Variants in SEMA6D observed in about 807,000 individuals in gnomAD.
The protein encoded by SEMA6D is semaphorin-6D.
In SEMA6D, 35 loss-of-function variants were observed where a neutral mutation model predicts 106.6. The observed-to-expected ratio is 0.33, with a 90% confidence interval of 0.25 to 0.44. The LOEUF (loss-of-function observed/expected upper bound fraction) is 0.44. Among genes scored for constraint, SEMA6D ranks in the 20% least tolerant of loss-of-function variants. SEMA6D has a pLI of 1.00. For synonymous variants in SEMA6D, 499 were observed against 487.7 expected, an observed-to-expected ratio of 1.02 and a Z score of -0.31; for missense variants, 1,185 against 1,345.9, an observed-to-expected ratio of 0.88 and a Z score of 1.87.
In SEMA6D at chr15:47,768,754, G is replaced by C; in HGVS notation, c.1933+6G>C. The C allele has an allele frequency of 6.2e-7, 1 of 1,610,382 alleles. No individual in the cohort carries two copies. The highest frequency in any genetic ancestry group is 8.5e-7 in the Non-Finnish European group (1 of 1,177,738). ...TTTATCGGGTATCCCAAAGGGTAAG[G>C]CCTCAGCAGGGACCTCATCTCTAAC... On this transcript the variant is annotated splice_donor_region_variant and intron_variant, in intron 18 of 18. Coordinates refer to ENST00000536845, the MANE Select transcript of SEMA6D (RefSeq NM_001358351.3).
chr15:47,298,453 C>T (rs1566980921), intron 1 of SEMA6D, among the ~76,000 whole-genome samples: 1 of 151,922 alleles, frequency 6.6e-6, no homozygotes, highest in East Asian at 1.9e-4. Context: ...CTACAGGAAA[C>T]AACTGTTTGA....
intron 3 of SEMA6D, among the ~76,000 whole-genome samples, chr15:47,499,356 C>T (rs993546737): frequency 6.6e-6 from 1 of 152,138 alleles, no homozygotes; most frequent in Admixed American, 6.6e-5. Flanking sequence ...TCATTCTCTG[C>T]ATAACTTCCA....
chr15:47,567,310 G>A (rs1343540766), intron 3 of SEMA6D, among the ~76,000 whole-genome samples: 8 of 152,102 alleles, frequency 5.3e-5, no homozygotes, highest in South Asian at 2.1e-4. Flanking sequence ...TGGGAGTAAC[G>A]AATTAGAAAA....
At chr15:47,228,173 T>TATATAA (rs1348344091) in intron 1 of SEMA6D, among the ~76,000 whole-genome samples, 1 of 109,430 alleles carries the variant, frequency 9.1e-6, no homozygotes, top group Non-Finnish European at 2.2e-5. Flanking sequence ...CATATATATA[T>TATATAA]AACCTTTTGT....
At chr15:47,687,421 C>G (rs996194746) in intron 4 of SEMA6D, among the ~76,000 whole-genome samples, 3 of 151,834 alleles carry the variant, frequency 2.0e-5, no homozygotes, top group African/African-American at 7.3e-5. Flanking sequence ...CTTCCATGCC[C>G]CAAGAAGCAA....
chr15:47,474,548 C>A (rs2141218877), intron 3 of SEMA6D, among the ~76,000 whole-genome samples: 1 of 152,302 alleles, frequency 6.6e-6, no homozygotes, highest in African/African-American at 2.4e-5. Flanking sequence ...AAATATGATT[C>A]TTCTCAAAGC....
At chr15:47,446,349 G>T (rs909418080) in intron 2 of SEMA6D, among the ~76,000 whole-genome samples, 2 of 152,148 alleles carry the variant, frequency 1.3e-5, no homozygotes, top group Non-Finnish European at 2.9e-5. Flanking sequence ...GTTCTTTGCG[G>T]GTCCCAAGGA....
intron 1 of SEMA6D, among the ~76,000 whole-genome samples, chr15:47,350,188 G>A (rs2038264342): frequency 1.7e-5 from 1 of 57,634 alleles, no homozygotes; most frequent in South Asian, 9.7e-4. Context: ...ACTGCTCTTA[G>A]ATTAGTACAC....
chr15:47,220,313 A>T (rs1245212345), intron 1 of SEMA6D, among the ~76,000 whole-genome samples: 1 of 152,200 alleles, frequency 6.6e-6, no homozygotes, highest in Non-Finnish European at 1.5e-5. Context: ...TTAGTTCTTC[A>T]TTAATCTGTG....
intron 1 of SEMA6D, among the ~76,000 whole-genome samples, chr15:47,271,707 T>C (rs537564735): frequency 1.3e-5 from 2 of 152,182 alleles, no homozygotes; most frequent in African/African-American, 4.8e-5. Context: ...ATCAGGCATG[T>C]TTTAAAAAGG....
chr15:47,222,778 G>T (rs1410730496), intron 1 of SEMA6D, among the ~76,000 whole-genome samples: 1 of 152,132 alleles, frequency 6.6e-6, no homozygotes, highest in Non-Finnish European at 1.5e-5. Flanking sequence ...ATTAACAGAT[G>T]CCCAGTCTCT....
At chr15:47,517,428 C>T (rs1596216701) in intron 3 of SEMA6D, among the ~76,000 whole-genome samples, 1 of 152,036 alleles carries the variant, frequency 6.6e-6, no homozygotes, top group East Asian at 1.9e-4. Context: ...CCTATTTGCT[C>T]CTCTCTATGC....
intron 1 of SEMA6D, chr15:47,395,587 CAA>C (rs1453047956): frequency 5.3e-5 from 8 of 152,282 alleles, no homozygotes; most frequent in African/African-American, 1.9e-4. Flanking sequence ...TACACATAGT[CAA>C]GAGAGGACCT....
intron 2 of SEMA6D, among the ~76,000 whole-genome samples, chr15:47,425,226 G>A (rs1696352125): frequency 6.6e-6 from 1 of 151,938 alleles, no homozygotes; most frequent in South Asian, 2.1e-4. Context: ...TAATGAGGAA[G>A]TTTCAAGACA....
chr15:47,561,456 T>G (rs1323922283), intron 3 of SEMA6D, among the ~76,000 whole-genome samples: 1 of 151,908 alleles, frequency 6.6e-6, no homozygotes, highest in East Asian at 1.9e-4. Context: ...TTTGTTGCTA[T>G]CAGATATGCC....
chr15:47,263,161 C>T (rs2034156263), intron 1 of SEMA6D, among the ~76,000 whole-genome samples: 1 of 152,032 alleles, frequency 6.6e-6, no homozygotes, highest in Admixed American at 6.6e-5. Flanking sequence ...ATGAAGATGC[C>T]AAAAGCAGTT....
intron 3 of SEMA6D, among the ~76,000 whole-genome samples, chr15:47,493,683 A>T (rs2043544281): frequency 6.6e-6 from 1 of 152,056 alleles, no homozygotes. Flanking sequence ...TATTTCACTT[A>T]TTCGTTATAT....
intron 1 of SEMA6D, among the ~76,000 whole-genome samples, chr15:47,295,508 A>G (rs1463432331): frequency 1.3e-5 from 2 of 152,280 alleles, no homozygotes; most frequent in East Asian, 1.9e-4. Context: ...CTGTGAGTAG[A>G]TCTTTAGATT....
chr15:47,186,400 G>C (rs1893573558), intron 1 of SEMA6D, among the ~76,000 whole-genome samples: 1 of 152,112 alleles, frequency 6.6e-6, no homozygotes, highest in Non-Finnish European at 1.5e-5. Flanking sequence ...AATGGAAACT[G>C]GGTAGGCATC....
Sources: gnomAD v4.1 joint callset for allele counts (sites outside exome capture counted in the v4.1 genomes callset) on GRCh38, gnomAD v4.1.1 for gene constraint, MANE v1.5 for transcripts, NCBI Gene and HGNC (gene_info 2026-07-23, HGNC 2026-07-21) for gene names.